The following EXOC4 variants were observed in gnomAD, a reference collection of about 807,000 sequenced individuals.
The protein encoded by EXOC4 is SEC8-like 1.
A neutral mutation model predicts 107.2 loss-of-function variants in EXOC4; 71 were observed. The observed-to-expected ratio is 0.66, with a 90% CI of 0.55 to 0.81. The LOEUF is 0.81. Among genes scored for constraint, EXOC4 ranks in the 30% least tolerant of loss-of-function variants. The pLI, the probability that EXOC4 is intolerant of heterozygous loss-of-function variation, is 0.00. For missense variants in EXOC4, 1,108 were observed against 1,189.6 expected (o/e 0.93, Z 1.01); for synonymous variants, 456 against 441.2 (o/e 1.03, Z -0.42).
intron 5 of EXOC4, among the ~76,000 whole-genome samples, chr7:133,336,751 T>G (rs1795525691): frequency 2.0e-5 from 3 of 148,798 alleles, no homozygotes. Context: ...TTATTTTACT[T>G]AGAGATGGAG....
In EXOC4 at chr7:133,652,268, G is replaced by A. The variant is rs140938869; in HGVS notation, c.1514+22127G>A. On this transcript the variant is annotated intron_variant, in intron 10 of 17. Coordinates refer to ENST00000253861, the MANE Select transcript of EXOC4 (RefSeq NM_021807.4). ...CTTTCACATGCAGCCTAGACATATA[G>A]TATCTTTGAATGAATGTAAGTGGGA... Among the ~76,000 whole-genome samples the A allele has an allele frequency of 2.4e-3, 362 of 152,220 alleles. 5 individuals are homozygous for A. Among genetic ancestry groups the A allele is most frequent in the African/African-American group, 8.1e-3 (338 of 41,538 alleles).
At chr7:134,069,709 A>C (rs796530302), downstream of EXOC4, among the ~76,000 whole-genome samples, 10 of 152,194 alleles carry the variant, frequency 6.6e-5, no homozygotes, top group African/African-American at 2.4e-4. Flanking sequence ...GGCTGGTCTC[A>C]AACCCCTGGG....
In EXOC4 at chr7:133,986,819, G is replaced by C. The variant is rs140995272; in HGVS notation, c.2207-10673G>C. Among the ~76,000 whole-genome samples, 74 of 152,254 alleles carry C rather than the reference G, an allele frequency of 4.9e-4. No individual in the cohort carries two copies. In the East Asian group the frequency reaches 0.012, roughly 24 times the overall value. On this transcript the variant is annotated intron_variant, in intron 14 of 17. Coordinates refer to ENST00000253861, the MANE Select transcript of EXOC4 (RefSeq NM_021807.4). ...TGAAGACTGGGGGTAGAATTAGCTG[G>C]CATTAAAGCTCCAGCTTGGAACTGG...
intron 11 of EXOC4, among the ~76,000 whole-genome samples, chr7:133,843,538 A>G (rs1798064018): frequency 6.6e-6 from 1 of 152,210 alleles, no homozygotes; most frequent in East Asian, 1.9e-4. Flanking sequence ...ACTTTGCCAA[A>G]GTTGCTTATC....
intron 7 of EXOC4, among the ~76,000 whole-genome samples, chr7:133,439,011 C>T (rs562956365): frequency 2.0e-5 from 3 of 152,122 alleles, no homozygotes; most frequent in East Asian, 1.9e-4. Flanking sequence ...CCTCTGTACA[C>T]GTGTGTGTTT....
downstream of EXOC4, among the ~76,000 whole-genome samples, chr7:134,069,332 T>TCCC (rs1396031242): frequency 5.2e-4 from 60 of 114,502 alleles, 1 homozygote; most frequent in East Asian, 1.6e-3. Context: ...CCCCTCCTTC[T>TCCC]CCTCCTTCTC....
At chr7:133,989,069 G>A (rs1032613145) in intron 14 of EXOC4, among the ~76,000 whole-genome samples, 5 of 151,692 alleles carry the variant, frequency 3.3e-5, no homozygotes, top group African/African-American at 1.2e-4. Context: ...GAAGAGATGG[G>A]GTCCAAACCA....
rs537917575 is a variant in EXOC4 at position 133,652,618 on chromosome 7, T to TG, written c.1514+22479dup. 5.3e-5 allele frequency among the ~76,000 whole-genome samples: 8 copies of TG among 152,142 alleles called. No individual in the cohort carries two copies. The East Asian group carries it at 1.4e-3, about 26-fold the overall frequency. The stretch of plus-strand genomic sequence containing the variant: ...GTGGGGAAGGGGCAAGAGGGAGTCC[T>TG]GGTTCAAGAAGGAGACTTAGAGAAA... On this transcript the variant is annotated intron_variant, in intron 10 of 17. Transcript: ENST00000253861.
intron 10 of EXOC4, among the ~76,000 whole-genome samples, chr7:133,692,026 T>C (rs1794431701): frequency 6.6e-6 from 1 of 152,098 alleles, no homozygotes; most frequent in African/African-American, 2.4e-5. Flanking sequence ...GAGGGAATAA[T>C]GATAAGGCTG....
In EXOC4 at chr7:133,736,557, A is replaced by G. The variant is rs575333017; in HGVS notation, c.1515-80768A>G. 3.3e-5 allele frequency among the ~76,000 whole-genome samples: 5 copies of G among 152,260 alleles called. No individual in the cohort carries two copies. In the East Asian group the frequency reaches 7.7e-4, roughly 24 times the overall value. ...GTTACATCAACAGATTTCCTTCCCA[A>G]TATTTACCCTTCTAGGTTTATTCTT... On this transcript the variant is annotated intron_variant, in intron 10 of 17. Coordinates refer to ENST00000253861, the MANE Select transcript of EXOC4 (RefSeq NM_021807.4).
chr7:133,854,971 G>A (rs1798317198), intron 11 of EXOC4, among the ~76,000 whole-genome samples: 1 of 145,928 alleles, frequency 6.9e-6, no homozygotes, highest in Non-Finnish European at 1.5e-5. Context: ...ATGACACAGT[G>A]CTGCCCTCTA....
chr7:133,661,807 A>G (rs532102460), intron 10 of EXOC4, among the ~76,000 whole-genome samples: 31 of 151,790 alleles, frequency 2.0e-4, no homozygotes, highest in African/African-American at 6.5e-4. Context: ...TTATAGGACT[A>G]TATTGGTAGT....
At chr7:133,705,865 G>A (rs1166684669) in intron 10 of EXOC4, among the ~76,000 whole-genome samples, 2 of 152,130 alleles carry the variant, frequency 1.3e-5, no homozygotes, top group South Asian at 2.1e-4. Context: ...TGCATGAGTT[G>A]TTTATTTCTG....
intron 10 of EXOC4, among the ~76,000 whole-genome samples, chr7:133,803,899 G>T: frequency 6.6e-6 from 1 of 152,108 alleles, no homozygotes; most frequent in East Asian, 1.9e-4. Flanking sequence ...CCTCTTGAAG[G>T]AACAAAGAAC....
intron 1 of EXOC4, among the ~76,000 whole-genome samples, 199 bp from the exon 2 acceptor site, chr7:133,274,783 A>C (rs1186910800): frequency 1.3e-5 from 2 of 152,214 alleles, no homozygotes; most frequent in African/African-American, 4.8e-5. Flanking sequence ...TGGATAGGCA[A>C]CTACAAATCC....
intron 14 of EXOC4, among the ~76,000 whole-genome samples, chr7:133,992,996 T>A (rs1794298651): frequency 6.6e-6 from 1 of 152,078 alleles, no homozygotes; most frequent in Admixed American, 6.6e-5. Flanking sequence ...TTCTGGCATC[T>A]GTTGAAATGA....
At chr7:133,717,504 A>T (rs1262556292) in intron 10 of EXOC4, among the ~76,000 whole-genome samples, 1 of 152,112 alleles carries the variant, frequency 6.6e-6, no homozygotes, top group Non-Finnish European at 1.5e-5. Flanking sequence ...TTCTGCATAA[A>T]TTTTTTGAAT....
intron 10 of EXOC4, among the ~76,000 whole-genome samples, chr7:133,786,621 A>G (rs768832944): frequency 6.6e-6 from 1 of 152,220 alleles, no homozygotes; most frequent in Non-Finnish European, 1.5e-5. Context: ...ACTCCAGATC[A>G]AGAGAAGCAT....
chr7:133,586,128 G>A (rs905482694), intron 9 of EXOC4, among the ~76,000 whole-genome samples: 1 of 141,394 alleles, frequency 7.1e-6, no homozygotes, highest in Non-Finnish European at 1.5e-5. Flanking sequence ...ATACAGGTTT[G>A]TTAGATAGGT....
Sources: gnomAD v4.1 joint callset for allele counts (sites outside exome capture counted in the v4.1 genomes callset) on GRCh38, gnomAD v4.1.1 for gene constraint, MANE v1.5 for transcripts, NCBI Gene and HGNC (gene_info 2026-07-23, HGNC 2026-07-21) for gene names.